Variants in SLC7A14 observed in about 807,000 individuals in gnomAD.
SLC7A14 encodes gamma-aminobutyric acid transporter SLC7A14.
SLC7A14 carries 37 observed loss-of-function variants against 60.2 expected under a neutral mutation model. The observed-to-expected ratio is 0.61, with a 90% CI of 0.47 to 0.81. The LOEUF is 0.81. Among genes scored for constraint, SLC7A14 ranks in the 30% least tolerant of loss-of-function variants. The pLI, the probability that SLC7A14 is intolerant of heterozygous loss-of-function variation, is 0.00. For synonymous variants in SLC7A14, 399 were observed against 395.8 expected (o/e 1.01, Z -0.10); for missense variants, 886 against 982.7 (o/e 0.90, Z 1.32).
At chr3:170,577,081 C>T (rs1262631282) in intron 1 of SLC7A14, among the ~76,000 whole-genome samples, 2 of 152,176 alleles carry the variant, frequency 1.3e-5, no homozygotes, top group Non-Finnish European at 2.9e-5. Context: ...GGATGGAAAA[C>T]CCATCTCTTT....
intron 7 of SLC7A14, 144 bp downstream of exon 7, chr3:170,480,145 T>G: frequency 1.3e-6 from 1 of 743,814 alleles, no homozygotes; most frequent in East Asian, 2.8e-5. Flanking sequence ...CTTTATTGAC[T>G]CTTAGGCGGA....
At chr3:170,485,492 A>G (rs554991270) in intron 5 of SLC7A14, among the ~76,000 whole-genome samples, 90 of 152,094 alleles carry the variant, frequency 5.9e-4, no homozygotes, top group Non-Finnish European at 1.2e-3. Flanking sequence ...CTGTGAGCCA[A>G]TTTTCTCCAT....
At chr3:170,566,435 T>A (rs1247587208) in intron 1 of SLC7A14, among the ~76,000 whole-genome samples, 1 of 152,192 alleles carries the variant, frequency 6.6e-6, no homozygotes, top group Non-Finnish European at 1.5e-5. Context: ...GGTTAAACAT[T>A]GCCAACAAAT....
At chr3:170,502,598 T>G (rs1712650513) in intron 2 of SLC7A14, among the ~76,000 whole-genome samples, 1 of 152,094 alleles carries the variant, frequency 6.6e-6, no homozygotes, top group African/African-American at 2.4e-5. Context: ...AAAGTCAACT[T>G]TACCTTCAGT....
At chr3:170,584,875 G>T (rs946396174) in intron 1 of SLC7A14, among the ~76,000 whole-genome samples, 2 of 152,092 alleles carry the variant, frequency 1.3e-5, no homozygotes, top group African/African-American at 2.4e-5. Flanking sequence ...GGATCCCTTC[G>T]CCAGAGCCAG....
intron 1 of SLC7A14, among the ~76,000 whole-genome samples, chr3:170,567,772 T>C: frequency 6.6e-6 from 1 of 150,968 alleles, no homozygotes; most frequent in Admixed American, 6.6e-5. Flanking sequence ...ATGGTGAGCG[T>C]TTTTTCATGT....
At chr3:170,471,972 G>C (rs917268990) in intron 7 of SLC7A14, among the ~76,000 whole-genome samples, 1 of 152,130 alleles carries the variant, frequency 6.6e-6, no homozygotes, top group African/African-American at 2.4e-5. Context: ...TGTCCTGGAG[G>C]CTCCTCTGTG....
chr3:170,471,631 T>C (rs1327763122), intron 7 of SLC7A14, among the ~76,000 whole-genome samples: 1 of 152,178 alleles, frequency 6.6e-6, no homozygotes. Context: ...CCATCATTGC[T>C]TGAAGTAGTT....
At chr3:170,488,215 A>G (rs1000983430) in intron 4 of SLC7A14, among the ~76,000 whole-genome samples, 4 of 152,228 alleles carry the variant, frequency 2.6e-5, no homozygotes, top group African/African-American at 9.6e-5. Context: ...TCCATGGCAC[A>G]AGAAAATTTA....
intron 1 of SLC7A14, among the ~76,000 whole-genome samples, chr3:170,566,691 G>A (rs570837686): frequency 7.8e-4 from 118 of 152,118 alleles, no homozygotes; most frequent in Middle Eastern, 3.4e-3. Flanking sequence ...GTCAAGGCCC[G>A]GAAGAGATGA....
intron 1 of SLC7A14, among the ~76,000 whole-genome samples, chr3:170,572,499 A>G (rs1293198411): frequency 6.6e-6 from 1 of 152,248 alleles, no homozygotes; most frequent in Non-Finnish European, 1.5e-5. Context: ...AGAGCACTCA[A>G]TAAGTTGCTA....
chr3:170,519,202 C>T (rs7636696), intron 2 of SLC7A14, among the ~76,000 whole-genome samples: 5 of 152,218 alleles, frequency 3.3e-5, no homozygotes, highest in Admixed American at 2.6e-4. Flanking sequence ...ATCTTCCCAT[C>T]GTAAATTGGG....
intron 2 of SLC7A14, among the ~76,000 whole-genome samples, chr3:170,525,930 G>A (rs894173353): frequency 6.6e-6 from 1 of 152,154 alleles, no homozygotes; most frequent in South Asian, 2.1e-4. Flanking sequence ...AATTAGCCAG[G>A]CGTTGTGGTA....
At chr3:170,581,777 T>C (rs1348839466) in intron 1 of SLC7A14, among the ~76,000 whole-genome samples, 2 of 152,152 alleles carry the variant, frequency 1.3e-5, no homozygotes, top group South Asian at 2.1e-4. Flanking sequence ...TTTGAGATAG[T>C]TATGGCAATT....
intron 1 of SLC7A14, among the ~76,000 whole-genome samples, chr3:170,576,456 G>C (rs990155449): frequency 1.3e-5 from 2 of 152,202 alleles, no homozygotes; most frequent in Admixed American, 1.3e-4. Context: ...CCCCTGCAGA[G>C]GTTGGAGGAG....
chr3:170,538,359 G>T (rs1342896973), intron 1 of SLC7A14, among the ~76,000 whole-genome samples: 1 of 152,132 alleles, frequency 6.6e-6, no homozygotes, highest in Non-Finnish European at 1.5e-5. Context: ...TCTTGTGGGG[G>T]CTGGCCACCT....
intron 1 of SLC7A14, among the ~76,000 whole-genome samples, chr3:170,560,942 T>C (rs950546118): frequency 2.0e-5 from 3 of 152,200 alleles, no homozygotes; most frequent in Non-Finnish European, 2.9e-5. Flanking sequence ...CGAGTACTTA[T>C]AGTAAGTAAT....
At chr3:170,562,527 A>T (rs945588130) in intron 1 of SLC7A14, among the ~76,000 whole-genome samples, 1 of 152,198 alleles carries the variant, frequency 6.6e-6, no homozygotes, top group Admixed American at 6.5e-5. Flanking sequence ...AAAGACTACA[A>T]ATTGGGTTCA....
intron 1 of SLC7A14, among the ~76,000 whole-genome samples, chr3:170,580,252 G>C (rs1228380104): frequency 6.6e-6 from 1 of 152,186 alleles, no homozygotes; most frequent in Non-Finnish European, 1.5e-5. Context: ...ATGGATGATT[G>C]TATGCTATTA....
Sources: gnomAD v4.1 joint callset for allele counts (sites outside exome capture counted in the v4.1 genomes callset) on GRCh38, gnomAD v4.1.1 for gene constraint, MANE v1.5 for transcripts, NCBI Gene and HGNC (gene_info 2026-07-23, HGNC 2026-07-21) for gene names.